The following DLX4 variants were observed in gnomAD, a reference collection of about 807,000 sequenced individuals.
DLX4 encodes distal-less homeobox 4.
DLX4 carries 13 observed loss-of-function variants against 17.1 expected under a neutral mutation model. The observed-to-expected ratio is 0.76, with a 90% CI of 0.49 to 1.21. DLX4 has a LOEUF of 1.21. Among genes scored for constraint, DLX4 ranks in the 50% most tolerant of loss-of-function variants. The pLI is 0.00. For synonymous variants in DLX4, 129 were observed against 140.3 expected, an observed-to-expected ratio of 0.92 and a Z score of 0.57; for missense variants, 297 against 301.4, an observed-to-expected ratio of 0.99 and a Z score of 0.11.
In DLX4 at chr17:49,969,194, G is replaced by C. The variant is rs1246115509; in HGVS notation, c.-275G>C. 2 of 356,326 alleles carry C rather than the reference G, an allele frequency of 5.6e-6. No individual in the cohort carries two copies. The highest frequency in any genetic ancestry group is 1.0e-5 in the Non-Finnish European group (2 of 198,782). 22.1% of individuals were successfully genotyped at this position (356,326 alleles called of 1,614,324 possible). On this transcript the variant is annotated 5_prime_UTR_variant, in exon 1 of 3. Transcript: ENST00000240306. ...GTCTAAGAGGGCGGGGCCCCCGTCG[G>C]GTCCCGGGAACCGAACCCGATGGAG...
Position 49,972,977 on chromosome 17 carries a change from C to T in DLX4, c.284-96C>T, listed in dbSNP as rs1378603482. ...TGCGCTTTTTGCTATTTGCTGCCGA[C>T]GGCATGCAGACGAGATGCAAATAAG... On this transcript the variant is annotated intron_variant, in intron 1 of 2. Transcript: ENST00000240306. The surrounding 1 kb of genome is among the most constrained non-coding windows in gnomAD (Gnocchi z 5.4). 1 of 1,544,144 alleles carries T rather than the reference C, an allele frequency of 6.5e-7. No individual in the cohort carries two copies. The highest frequency in any genetic ancestry group is 8.8e-7 in the Non-Finnish European group (1 of 1,141,702).
chr17:49,969,822 G>A, intron 1 of DLX4, 71 bp downstream of exon 1: 1 of 1,282,070 alleles, frequency 7.8e-7, no homozygotes. Flanking sequence ...CTTCTCCCTC[G>A]CCTGGTTGGA....
intron 2 of DLX4, chr17:49,973,497 C>A: frequency 1.0e-6 from 1 of 954,232 alleles, no homozygotes; most frequent in Non-Finnish European, 1.6e-6. Context: ...GAGGGTAGGT[C>A]AGACAGGGAG....
In DLX4 at chr17:49,973,849, C is replaced by T. The variant is rs772397428; in HGVS notation, c.629C>T (p.Ala210Val). 3.1e-6 allele frequency: 5 copies of T among 1,612,718 alleles called. No individual in the cohort carries two copies. The Admixed American group carries it at 6.7e-5, about 22-fold the overall frequency. The change falls in exon 3 of 3, where the codon GCA (alanine) becomes GTA (valine). Residue 210 changes from alanine to valine, a missense_variant. Physicochemically the swap from Ala to Val is moderately conservative, Grantham distance 64. Coordinates refer to ENST00000240306, the MANE Select transcript of DLX4 (RefSeq NM_138281.3). ...CCCTCCCTCTGGGATCTACCCAAGG[C>T]AGGGACCCTGCCCACCAGTGGCTAT... ...PLPSLWDLPK[A>V]GTLPTSGYGN...
Position 49,973,933 on chromosome 17 carries a change from A to AGATG in DLX4, c.714_717dup (p.Met240AspfsTer59), listed in dbSNP as rs760998449. 1.2e-6 allele frequency: 2 copies of AGATG among 1,604,436 alleles called. No homozygotes were observed. Among genetic ancestry groups the AGATG allele is most frequent in the Admixed American group, 3.4e-5 (2 of 58,988 alleles). ...TCCTCAGATGTCCTGGCTTCGCCTCAGATGATGTGAATCTGGGGAAGGGCG... is the reference window on the plus strand; with the variant it reads ...TCCTCAGATGTCCTGGCTTCGCCTCAGATGGATGATGTGAATCTGGGGAAGGGCG... On this transcript the variant is annotated frameshift_variant, in exon 3 of 3. Transcript: ENST00000240306. LOFTEE classifies it high-confidence loss of function.
intron 2 of DLX4, 87 bp from the exon 3 acceptor site, chr17:49,973,614 C>T (rs985673368): frequency 3.2e-5 from 46 of 1,457,942 alleles, no homozygotes; most frequent in Non-Finnish European, 4.1e-5. Context: ...AGGACTGTGC[C>T]TGCACCTGGA....
At chr17:49,973,473 T>C (rs1439576401) in intron 2 of DLX4, 4 of 1,012,082 alleles carry the variant, frequency 4.0e-6, no homozygotes, top group Non-Finnish European at 5.8e-6. Flanking sequence ...TGGGGTGGAG[T>C]GGGTCAGGAA....
In DLX4 at chr17:49,973,585, A is replaced by G. The variant is rs1203919875; in HGVS notation, c.481-116A>G. The G allele has an allele frequency of 1.1e-5, 14 of 1,313,496 alleles. No individual in the cohort carries two copies. The African/African-American group carries it at 2.1e-4, about 19-fold the overall frequency. 81.4% of individuals were successfully genotyped at this position (1,313,496 alleles called of 1,614,324 possible). A position where few individuals can be genotyped will look rare whatever the true frequency, so the allele number is the denominator to read the frequency against. ...GGACTGAAGCAAATGTTCCCAGCCTAGGGAACTGCTGGTCTCCCAGGACTG... is the reference window on the plus strand; with the variant it reads ...GGACTGAAGCAAATGTTCCCAGCCTGGGGAACTGCTGGTCTCCCAGGACTG... On this transcript the variant is annotated intron_variant, in intron 2 of 2. Transcript: ENST00000240306.
intron 2 of DLX4, 60 bp from the exon 3 acceptor site, chr17:49,973,641 G>A (rs1451299148): frequency 6.7e-6 from 10 of 1,491,472 alleles, no homozygotes; most frequent in Non-Finnish European, 6.2e-6. Flanking sequence ...TCCCTTCCTC[G>A]AAACTTTTCA....
Position 49,972,989 on chromosome 17 carries a change from G to GTGT in DLX4, c.284-84_284-83insTGT. The GTGT allele has an allele frequency of 6.4e-7, 1 of 1,552,346 alleles. No homozygotes were observed. Among genetic ancestry groups the GTGT allele is most frequent in the Non-Finnish European group, 8.7e-7 (1 of 1,144,564 alleles). ...TATTTGCTGCCGACGGCATGCAGAC[G>GTGT]AGATGCAAATAAGCTTATGAAACTG... On this transcript the variant is annotated intron_variant, in intron 1 of 2. Transcript: ENST00000240306. This position sits in a 1 kb window ranked among gnomAD's most constrained non-coding sequence, Gnocchi z 5.4.
In DLX4 at chr17:49,972,679, G is replaced by T; in HGVS notation, c.284-394G>T. The T allele has an allele frequency of 8.5e-7, 1 of 1,170,906 alleles. No individual in the cohort carries two copies. Among genetic ancestry groups the T allele is most frequent in the Non-Finnish European group, 1.1e-6 (1 of 933,488 alleles). 72.5% of individuals were successfully genotyped at this position (1,170,906 alleles called of 1,614,324 possible). On this transcript the variant is annotated intron_variant, in intron 1 of 2. Transcript: ENST00000240306. The surrounding 1 kb of genome is among the most constrained non-coding windows in gnomAD (Gnocchi z 5.4). ...CAATGTCCTTCCTCTGTCATCTCTA[G>T]GCCTCGGCTCAGCCCTGGACCTAGC... is the stretch of plus-strand genomic sequence containing the variant.
Position 49,974,066 on chromosome 17 carries a change from G to A in DLX4, c.*123G>A, listed in dbSNP as rs924007689. ...CAGATGGGTTTTCTCTGGAGGACAA[G>A]CAGTTAGAGGAGAAAAAGGAATGGA... On this transcript the variant is annotated 3_prime_UTR_variant, in exon 3 of 3. Transcript: ENST00000240306. 1 of 1,311,324 alleles carries A rather than the reference G, an allele frequency of 7.6e-7. No individual in the cohort carries two copies. Among genetic ancestry groups the A allele is most frequent in the Non-Finnish European group, 1.0e-6 (1 of 991,212 alleles). 81.2% of individuals were successfully genotyped at this position (1,311,324 alleles called of 1,614,324 possible).
chr17:49,973,245 G>T lies in DLX4; in HGVS notation c.456G>T (p.Ala152=). ...TGCCCGAGAGGGCCCAGCTGGCAGC[G>T]CAGCTCGGCCTCACCCAGACCCAGG... ...LALPERAQLA[A]QLGLTQTQVK... The change falls in exon 2 of 3, where the codon GCG becomes GCT. Residue 152 remains alanine, a synonymous_variant. Transcript: ENST00000240306. The T allele has an allele frequency of 6.2e-7, 1 of 1,613,962 alleles. No individual in the cohort carries two copies.
chr17:49,970,292 T>G (rs1213006143), intron 1 of DLX4, among the ~76,000 whole-genome samples: 1 of 152,122 alleles, frequency 6.6e-6, no homozygotes, highest in Non-Finnish European at 1.5e-5. Flanking sequence ...CCTTACCCGC[T>G]CTCCTCAGAC....
Position 49,973,053 on chromosome 17 carries a change from C to A in DLX4, c.284-20C>A. 6.2e-7 allele frequency: 1 copy of A among 1,613,650 alleles called. No homozygotes were observed. Among genetic ancestry groups the A allele is most frequent in the Non-Finnish European group, 8.5e-7 (1 of 1,179,662 alleles). On this transcript the variant is annotated intron_variant, in intron 1 of 2. Transcript: ENST00000240306. ...CTCGCTCCCTCCTCGCCCCCTACACCGTGTTGTGCTGCCCACCAGACTCGG... is the reference window on the plus strand; with the variant it reads ...CTCGCTCCCTCCTCGCCCCCTACACAGTGTTGTGCTGCCCACCAGACTCGG...
Position 49,973,257 on chromosome 17 carries a change from C to T in DLX4, c.468C>T (p.Leu156=), listed in dbSNP as rs764366790. 6.8e-6 allele frequency: 11 copies of T among 1,613,762 alleles called. No individual in the cohort carries two copies. In the East Asian group the frequency reaches 1.6e-4, roughly 23 times the overall value. ...ERAQLAAQLG[L]TQTQVKIWFQ... is the part of the protein sequence containing the mutation. Reference sequence around the variant, plus strand: ...CCCAGCTGGCAGCGCAGCTCGGCCTCACCCAGACCCAGGTGGGGCCAGTGT... The same window carrying T: ...CCCAGCTGGCAGCGCAGCTCGGCCTTACCCAGACCCAGGTGGGGCCAGTGT... The change falls in exon 2 of 3, where the codon CTC becomes CTT. Residue 156 remains leucine (L), a synonymous_variant. Transcript: ENST00000240306.
At chr17:49,973,298 C>T (rs1474995385) in intron 2 of DLX4, 29 bp downstream of exon 2, 2 of 1,609,236 alleles carry the variant, frequency 1.2e-6, no homozygotes, top group Admixed American at 3.4e-5. Context: ...TTCCCCATCT[C>T]TCACCTTCCC....
In DLX4 at chr17:49,974,600, A is replaced by AG. The variant is rs10677419; in HGVS notation, c.*658dup. On this transcript the variant is annotated 3_prime_UTR_variant, in exon 3 of 3. Coordinates refer to ENST00000240306, the MANE Select transcript of DLX4 (RefSeq NM_138281.3). Reference sequence around the variant, plus strand: ...GCTTTCCTCCTAAAAAAAAAAAAAAAGCCCTCTTTCCCACCCCCTCCCCAT... The same window carrying AG: ...GCTTTCCTCCTAAAAAAAAAAAAAAAGGCCCTCTTTCCCACCCCCTCCCCAT... 3 of 149,808 alleles carry AG rather than the reference A, an allele frequency of 2.0e-5. No homozygotes were observed. The highest frequency in any genetic ancestry group is 4.5e-5 in the Non-Finnish European group (3 of 67,366). The allele number at this position is 149,808 out of a possible 1,614,324, so 9.3% of individuals were successfully genotyped here.
At chr17:49,968,675 G>C (rs1039529275), upstream of DLX4, among the ~76,000 whole-genome samples, 4 of 151,918 alleles carry the variant, frequency 2.6e-5, no homozygotes, top group African/African-American at 7.2e-5. Context: ...ACGCGTGCGG[G>C]GCAGGCTGGG....
Sources: allele counts gnomAD v4.1 joint callset (sites outside exome capture counted in the v4.1 genomes callset), GRCh38; gene constraint gnomAD v4.1.1; non-coding constraint Gnocchi (gnomAD v3.1); transcripts MANE v1.5; gene names NCBI Gene and HGNC (gene_info 2026-07-23, HGNC 2026-07-21).